The following PDPR variants were observed in gnomAD, a reference collection of about 807,000 sequenced individuals.
The protein encoded by PDPR is pyruvate dehydrogenase phosphatase regulatory subunit.
PDPR carries 50 observed loss-of-function variants against 102.2 expected under a neutral mutation model. The observed-to-expected ratio is 0.49, with a 90% CI of 0.39 to 0.62. The LOEUF is 0.62. PDPR is among the 20% of genes least tolerant of loss of function. The pLI is 0.00. For missense variants in PDPR, 625 were observed against 1,098.2 expected, an observed-to-expected ratio of 0.57 and a Z score of 6.09; for synonymous variants, 259 against 406.0, an observed-to-expected ratio of 0.64 and a Z score of 4.35.
intron 3 of PDPR, among the ~76,000 whole-genome samples, chr16:70,124,830 A>C (rs1963755626): frequency 1.3e-5 from 2 of 152,256 alleles, no homozygotes; most frequent in Admixed American, 1.3e-4. Flanking sequence ...TAAATACAGT[A>C]AACTCAAGTG....
rs1487128635 is a variant in PDPR at position 70,160,162 on chromosome 16, C to G, written c.*3283C>G. ...TGGGCCTTCCCCTCCCTTGAAATGT[C>G]TTTAATTACCTCCCCTTCATCGTCA... is the stretch of plus-strand genomic sequence containing the variant. On this transcript the variant is annotated 3_prime_UTR_variant, in exon 19 of 19. Coordinates refer to ENST00000288050, the MANE Select transcript of PDPR (RefSeq NM_017990.5). The G allele has an allele frequency of 2.6e-5, 4 of 153,008 alleles. No homozygotes were observed. Among genetic ancestry groups the G allele is most frequent in the Admixed American group, 2.0e-4 (3 of 15,318 alleles). 9.5% of individuals were successfully genotyped at this position (153,008 alleles called of 1,614,324 possible). A position where few individuals can be genotyped will look rare whatever the true frequency, so the allele number is the denominator to read the frequency against.
chr16:70,117,608 A>G (rs1329138880), intron 2 of PDPR, among the ~76,000 whole-genome samples: 4 of 152,150 alleles, frequency 2.6e-5, no homozygotes, highest in African/African-American at 9.7e-5. Context: ...CCAGGAGGGA[A>G]CAGCATGCAC....
chr16:70,161,513 T>C lies in PDPR; in HGVS notation c.*4634T>C, dbSNP rs1217742448. 1.3e-5 allele frequency: 2 copies of C among 152,944 alleles called. No individual in the cohort carries two copies. The highest frequency in any genetic ancestry group is 2.4e-5 in the African/African-American group (1 of 41,476). The allele number at this position is 152,944 out of a possible 1,614,324, so 9.5% of individuals were successfully genotyped here. On this transcript the variant is annotated 3_prime_UTR_variant, in exon 19 of 19. Transcript: ENST00000288050. ...TTGAGTGGAAGAAATGGTAGACTTG[T>C]GAGGCTTGCCCCAGGCCTTGTGTAC...
At chr16:70,131,494 C>G in intron 8 of PDPR, 75 bp downstream of exon 8, 6 of 1,377,286 alleles carry the variant, frequency 4.4e-6, no homozygotes, top group Non-Finnish European at 6.0e-6. Flanking sequence ...AAACTTTCTG[C>G]TAAGGACAGC....
chr16:70,151,476 C>T (rs1316839862), intron 17 of PDPR, among the ~76,000 whole-genome samples: 1 of 152,302 alleles, frequency 6.6e-6, no homozygotes, highest in African/African-American at 2.4e-5. Flanking sequence ...AGAAGTATTA[C>T]AACAATATGA....
At chr16:70,129,528 T>C (rs1964326308) in intron 6 of PDPR, among the ~76,000 whole-genome samples, 1 of 152,272 alleles carries the variant, frequency 6.6e-6, no homozygotes, top group Non-Finnish European at 1.5e-5. Flanking sequence ...TGTGTATTTT[T>C]AGTAGAGACG....
At chr16:70,142,526 G>A in intron 12 of PDPR, 27 bp from the exon 13 acceptor site, 1 of 1,613,294 alleles carries the variant, frequency 6.2e-7, no homozygotes, top group South Asian at 1.1e-5. Context: ...AAACTCTACA[G>A]GGCCTTGTGA....
At chr16:70,138,647 C>G (rs1446248971) in intron 10 of PDPR, among the ~76,000 whole-genome samples, 1 of 152,276 alleles carries the variant, frequency 6.6e-6, no homozygotes, top group African/African-American at 2.4e-5. Context: ...GCCAATGTGT[C>G]TGGCTGGCTT....
rs200075066 is a variant in PDPR at position 70,159,515 on chromosome 16, G to A, written c.*2636G>A. On this transcript the variant is annotated 3_prime_UTR_variant, in exon 19 of 19. Coordinates refer to ENST00000288050, the MANE Select transcript of PDPR (RefSeq NM_017990.5). ...TAGCACTTTAGAGTTGATCCTTGAA[G>A]TCTCTCCTGGTTCATTCAAATACAA... The A allele has an allele frequency of 2.0e-3, 313 of 152,714 alleles. No individual in the cohort carries two copies. The highest frequency in any genetic ancestry group is 6.8e-3 in the Middle Eastern group (2 of 296). 9.5% of individuals were successfully genotyped at this position (152,714 alleles called of 1,614,324 possible). A position where few individuals can be genotyped will look rare whatever the true frequency, so the allele number is the denominator to read the frequency against.
rs1966848111 is a variant in PDPR at position 70,153,437 on chromosome 16, A to G, written c.2099A>G (p.Tyr700Cys). 1 of 1,613,840 alleles carries G rather than the reference A, an allele frequency of 6.2e-7. No individual in the cohort carries two copies. Among genetic ancestry groups the G allele is most frequent in the Admixed American group, 1.7e-5 (1 of 59,978 alleles). ...YNEVMSVGQK[Y>C]GIRNAGYYAL... is the part of the protein sequence containing the mutation. ...GAAGTGATGAGTGTTGGCCAGAAATACGGAATCCGGAATGCTGGGTATTAC... is the reference window on the plus strand; with the variant it reads ...GAAGTGATGAGTGTTGGCCAGAAATGCGGAATCCGGAATGCTGGGTATTAC... Residue 700 changes from tyrosine (Y) to cysteine (C), a missense_variant, in exon 18 of 19, where the codon TAC (tyrosine) becomes TGC (cysteine). Physicochemically the swap from Tyr to Cys is radical, Grantham distance 194. Coordinates refer to ENST00000288050, the MANE Select transcript of PDPR (RefSeq NM_017990.5).
At chr16:70,120,418 A>G in intron 2 of PDPR, 43 bp from the exon 3 acceptor site, 2 of 960,978 alleles carry the variant, frequency 2.1e-6, no homozygotes, top group East Asian at 2.5e-5. Context: ...AATCCCATGC[A>G]CTGAGTAGAA....
rs1487132925 is a variant in PDPR, at chr16:70,161,790, A to G, written c.*4911A>G. The G allele has an allele frequency of 6.6e-6, 1 of 152,412 alleles. No individual in the cohort carries two copies. Among genetic ancestry groups the G allele is most frequent in the Non-Finnish European group, 1.5e-5 (1 of 68,114 alleles). The allele number at this position is 152,412 out of a possible 1,614,324, so 9.4% of individuals were successfully genotyped here. ...TGACTTCTCTGAGCAGAGTGTCTGC[A>G]TCTCTTGGAGAGTTACACATTTCTT... On this transcript the variant is annotated 3_prime_UTR_variant, in exon 19 of 19. Transcript: ENST00000288050.
Position 70,160,222 on chromosome 16 carries a change from G to T in PDPR, c.*3343G>T, listed in dbSNP as rs1038088514. 6.6e-6 allele frequency: 1 copy of T among 152,560 alleles called. No individual in the cohort carries two copies. The highest frequency in any genetic ancestry group is 2.1e-4 in the South Asian group (1 of 4,832). 9.5% of individuals were successfully genotyped at this position (152,560 alleles called of 1,614,324 possible). A position where few individuals can be genotyped will look rare whatever the true frequency, so the allele number is the denominator to read the frequency against. ...TGACTTCTGTTCTTAGCACTGCCAGGGTCATTGACTTCCATCTAAGCTTGC... is the reference window on the plus strand; with the variant it reads ...TGACTTCTGTTCTTAGCACTGCCAGTGTCATTGACTTCCATCTAAGCTTGC... On this transcript the variant is annotated 3_prime_UTR_variant, in exon 19 of 19. Coordinates refer to ENST00000288050, the MANE Select transcript of PDPR (RefSeq NM_017990.5).
chr16:70,152,388 A>G (rs1966803230), intron 17 of PDPR, among the ~76,000 whole-genome samples: 1 of 152,278 alleles, frequency 6.6e-6, no homozygotes. Context: ...GTGTGGCGGC[A>G]GCCACCTATA....
At position 70,142,702 on chromosome 16, in the gene PDPR, C is replaced by T. The variant is rs1965852975; in HGVS notation, c.1605+16C>T. 1.9e-6 allele frequency: 3 copies of T among 1,613,476 alleles called. No homozygotes were observed. Among genetic ancestry groups the T allele is most frequent in the Non-Finnish European group, 2.5e-6 (3 of 1,179,790 alleles). On this transcript the variant is annotated intron_variant, in intron 13 of 18. Transcript: ENST00000288050. ...TGAGATAACAGTAAGTATTTGGGAA[C>T]CAAAAAGTAATAGATTAGGAAACTT...
At chr16:70,133,110 G>GTTTTT (rs1567536026) in intron 9 of PDPR, among the ~76,000 whole-genome samples, 11 of 60,992 alleles carry the variant, frequency 1.8e-4, no homozygotes, top group South Asian at 5.9e-4. Context: ...ATACCCAGCT[G>GTTTTT]CTTTTTTTTT....
chr16:70,142,021 A>G (rs1439961734), intron 11 of PDPR, among the ~76,000 whole-genome samples: 1 of 152,140 alleles, frequency 6.6e-6, no homozygotes, highest in Non-Finnish European at 1.5e-5. Context: ...AATCGCTTAA[A>G]CCCAGGAGGC....
rs1967841872 is a variant in PDPR, at chr16:70,162,073, G to A, written c.*5194G>A. 1 of 152,434 alleles carries A rather than the reference G, an allele frequency of 6.6e-6. No individual in the cohort carries two copies. Among genetic ancestry groups the A allele is most frequent in the African/African-American group, 2.4e-5 (1 of 41,474 alleles). 9.4% of individuals were successfully genotyped at this position (152,434 alleles called of 1,614,324 possible). ...GATGGTGGGTGCAGATTGGAAGAAAGAGAAAAGTTCATCTCGGTGTGTGGG... is the reference window on the plus strand; with the variant it reads ...GATGGTGGGTGCAGATTGGAAGAAAAAGAAAAGTTCATCTCGGTGTGTGGG... On this transcript the variant is annotated 3_prime_UTR_variant, in exon 19 of 19. Coordinates refer to ENST00000288050, the MANE Select transcript of PDPR (RefSeq NM_017990.5).
At chr16:70,155,192 C>CAAAAAAAA (rs200366472) in intron 18 of PDPR, among the ~76,000 whole-genome samples, 1 of 146,026 alleles carries the variant, frequency 6.8e-6, no homozygotes. Flanking sequence ...GCTCCATCTC[C>CAAAAAAAA]AAAAAAAAAA....
Sources: gnomAD v4.1 joint callset for allele counts (sites outside exome capture counted in the v4.1 genomes callset) on GRCh38, gnomAD v4.1.1 for gene constraint, MANE v1.5 for transcripts, NCBI Gene and HGNC (gene_info 2026-07-23, HGNC 2026-07-21) for gene names.